Variants in VAV2 observed in about 807,000 individuals in gnomAD.
VAV2 encodes guanine nucleotide exchange factor VAV2.
VAV2 carries 67 observed loss-of-function variants against 132.5 expected under a neutral mutation model. That is an observed-to-expected ratio of 0.51 (90% confidence interval 0.42 to 0.62). The LOEUF is 0.62. Ranked by LOEUF, VAV2 falls within the 20% of genes least tolerant of loss-of-function variation. VAV2 has a pLI of 0.00. For synonymous variants in VAV2, 492 were observed against 443.5 expected (o/e 1.11, Z -1.37); for missense variants, 938 against 1,153.6 (o/e 0.81, Z 2.71).
At chr9:133,945,701 A>G (rs1841334580) in intron 1 of VAV2, among the ~76,000 whole-genome samples, 1 of 152,188 alleles carries the variant, frequency 6.6e-6, no homozygotes, top group African/African-American at 2.4e-5. Context: ...GGGTCTCCAG[A>G]TCGCCTGGCC....
chr9:133,944,530 C>T (rs1299314532), intron 1 of VAV2, among the ~76,000 whole-genome samples: 1 of 152,198 alleles, frequency 6.6e-6, no homozygotes, highest in South Asian at 2.1e-4. Flanking sequence ...AGGATGCTGA[C>T]GTGCACAACA....
chr9:133,861,406 G>GGA lies in VAV2; in HGVS notation c.346_347dup (p.Leu117ProfsTer69). On this transcript the variant is annotated frameshift_variant, in exon 3 of 30. Transcript: ENST00000371850. LOFTEE classifies it high-confidence loss of function. ...CTTTGTTCTGCGCGATGCTGTGCAGGGAGAGCCTCGACACCGCGGAGATGA... is the reference window on the plus strand; with the variant it reads ...CTTTGTTCTGCGCGATGCTGTGCAGGGAGAGAGCCTCGACACCGCGGAGATGA... The GGA allele has an allele frequency of 1.2e-6, 2 of 1,613,534 alleles. No homozygotes were observed. The highest frequency in any genetic ancestry group is 1.7e-6 in the Non-Finnish European group (2 of 1,179,830).
In VAV2 at chr9:133,763,944, C is replaced by A; in HGVS notation, c.*118G>T. 1 of 1,223,632 alleles carries A rather than the reference C, an allele frequency of 8.2e-7. No homozygotes were observed. The highest frequency in any genetic ancestry group is 1.2e-6 in the Non-Finnish European group (1 of 836,968). The allele number at this position is 1,223,632 out of a possible 1,614,324, so 75.8% of individuals were successfully genotyped here. A position where few individuals can be genotyped will look rare whatever the true frequency, so the allele number is the denominator to read the frequency against. On this transcript the variant is annotated 3_prime_UTR_variant, in exon 30 of 30. Coordinates refer to ENST00000371850, the MANE Select transcript of VAV2 (RefSeq NM_001134398.2). The surrounding 1 kb of genome is among the most constrained non-coding windows in gnomAD (Gnocchi z 6.8). ...TCAACACCCTCCCTATCCCTGTGGGCAGTGGAAGACTGGGAGGTTGGTATT... is the reference window on the plus strand; with the variant it reads ...TCAACACCCTCCCTATCCCTGTGGGAAGTGGAAGACTGGGAGGTTGGTATT...
chr9:133,970,390 A>T (rs1244744627), intron 1 of VAV2, among the ~76,000 whole-genome samples: 1 of 152,190 alleles, frequency 6.6e-6, no homozygotes, highest in Non-Finnish European at 1.5e-5. Context: ...GCTTGCTGGG[A>T]GCCAGGGACC....
chr9:133,886,735 G>A (rs1838726289), intron 2 of VAV2, among the ~76,000 whole-genome samples: 2 of 152,170 alleles, frequency 1.3e-5, no homozygotes, highest in African/African-American at 4.8e-5. Context: ...CAACACCCAC[G>A]TCCAGAACAA....
chr9:133,940,413 T>C (rs936284885), intron 1 of VAV2, among the ~76,000 whole-genome samples: 8 of 152,142 alleles, frequency 5.3e-5, no homozygotes, highest in Non-Finnish European at 1.0e-4. Flanking sequence ...TTTAGACAAA[T>C]GGACAGACTT....
chr9:133,954,341 C>T (rs1293471817), intron 1 of VAV2, among the ~76,000 whole-genome samples: 1 of 152,214 alleles, frequency 6.6e-6, no homozygotes, highest in Non-Finnish European at 1.5e-5. Context: ...CAAATCAGTT[C>T]TGTCACCATG....
chr9:133,958,783 A>C (rs2132214665), intron 1 of VAV2, among the ~76,000 whole-genome samples: 1 of 152,270 alleles, frequency 6.6e-6, no homozygotes, highest in Middle Eastern at 3.4e-3. Context: ...CTCCATCACC[A>C]CCTGCATTCA....
At chr9:133,989,701 A>AT (rs376390571) in intron 1 of VAV2, among the ~76,000 whole-genome samples, 1 of 152,210 alleles carries the variant, frequency 6.6e-6, no homozygotes, top group African/African-American at 2.4e-5. Context: ...GAAAAAAAAA[A>AT]GTGAGTTTCC....
intron 2 of VAV2, among the ~76,000 whole-genome samples, chr9:133,871,674 C>G (rs1444507905): frequency 1.3e-5 from 2 of 152,166 alleles, no homozygotes; most frequent in Admixed American, 1.3e-4. Flanking sequence ...CAAATGTCCT[C>G]CCTAATGGTG....
At position 133,989,265 on chromosome 9, in the gene VAV2, G is replaced by A. The variant is rs367911587; in HGVS notation, c.204+2810C>T. Among the ~76,000 whole-genome samples, 38 of 152,162 alleles carry A rather than the reference G, an allele frequency of 2.5e-4. No individual in the cohort carries two copies. The South Asian group carries it at 6.2e-3, about 25-fold the overall frequency. On this transcript the variant is annotated intron_variant, in intron 1 of 29. Transcript: ENST00000371850. Reference sequence around the variant, plus strand: ...GACGCAGGAGAATCGCTTGAACCCGGGAGGTGGATGTTGTGGTGAGCTGAG... The same window carrying A: ...GACGCAGGAGAATCGCTTGAACCCGAGAGGTGGATGTTGTGGTGAGCTGAG...
At position 133,834,512 on chromosome 9, in the gene VAV2, G is replaced by A. The variant is rs1264561309; in HGVS notation, c.381-172C>T. On this transcript the variant is annotated intron_variant, in intron 3 of 29. Transcript: ENST00000371850. This position sits in a 1 kb window ranked among gnomAD's most constrained non-coding sequence, Gnocchi z 5.9. ...CGGACACTGATCGGAGTCACAGGACGAGCCAACTGGGCCATAGGGCAAGAG... is the reference window on the plus strand; with the variant it reads ...CGGACACTGATCGGAGTCACAGGACAAGCCAACTGGGCCATAGGGCAAGAG... Among the ~76,000 whole-genome samples, 3 of 152,246 alleles carry A rather than the reference G, an allele frequency of 2.0e-5. No individual in the cohort carries two copies. The highest frequency in any genetic ancestry group is 4.8e-5 in the African/African-American group (2 of 41,470).
At chr9:133,950,650 G>A (rs938687819) in intron 1 of VAV2, among the ~76,000 whole-genome samples, 5 of 152,082 alleles carry the variant, frequency 3.3e-5, no homozygotes, top group African/African-American at 7.2e-5. Context: ...TCCGAGTGCC[G>A]GAGGGTTCAA....
At chr9:133,958,257 G>A (rs1159971685) in intron 1 of VAV2, among the ~76,000 whole-genome samples, 3 of 125,770 alleles carry the variant, frequency 2.4e-5, no homozygotes, top group Non-Finnish European at 3.6e-5. Context: ...GAGACAAGAG[G>A]AAGGCATCTG....
chr9:133,905,575 C>T (rs997188703), intron 2 of VAV2, among the ~76,000 whole-genome samples: 3 of 152,206 alleles, frequency 2.0e-5, no homozygotes, highest in African/African-American at 7.2e-5. Flanking sequence ...CTGCCGACTG[C>T]CATTGCCCTT....
At chr9:133,825,823 C>T (rs770005525) in intron 4 of VAV2, among the ~76,000 whole-genome samples, 12 of 152,156 alleles carry the variant, frequency 7.9e-5, no homozygotes, top group Admixed American at 1.3e-4. Flanking sequence ...CCCAGGTCGC[C>T]GCCAGCAGGC....
At chr9:133,888,949 C>T (rs80266132) in intron 2 of VAV2, among the ~76,000 whole-genome samples, 327 of 152,308 alleles carry the variant, frequency 2.1e-3, no homozygotes, top group African/African-American at 7.4e-3. Context: ...CGCAAGGAGA[C>T]GACACGAACA....
intron 1 of VAV2, among the ~76,000 whole-genome samples, chr9:133,964,060 C>CACATATATAT (rs1842064467): frequency 4.6e-5 from 5 of 109,802 alleles, no homozygotes; most frequent in African/African-American, 1.9e-4. Flanking sequence ...CATATATATA[C>CACATATATAT]ATATATATAA....
At chr9:133,811,593 G>A (rs528723420) in intron 5 of VAV2, among the ~76,000 whole-genome samples, 5 of 152,150 alleles carry the variant, frequency 3.3e-5, no homozygotes, top group Admixed American at 6.5e-5. Flanking sequence ...GCAAACTGGC[G>A]TCCGAGAGAT....
Sources: gnomAD v4.1 joint callset for allele counts (sites outside exome capture counted in the v4.1 genomes callset) on GRCh38, gnomAD v4.1.1 for gene constraint, Gnocchi (gnomAD v3.1) non-coding constraint, MANE v1.5 for transcripts, NCBI Gene and HGNC (gene_info 2026-07-23, HGNC 2026-07-21) for gene names.